The following CDH4 variants were observed in gnomAD, a reference collection of about 807,000 sequenced individuals.
The protein encoded by CDH4 is cadherin-4.
Under a neutral mutation model 86.0 loss-of-function variants are expected in CDH4, and 33 were observed. That is an observed-to-expected ratio of 0.38 (90% confidence interval 0.29 to 0.51). The LOEUF (loss-of-function observed/expected upper bound fraction) is 0.51, where lower values mean the gene tolerates loss of function less well. Ranked by LOEUF, CDH4 falls within the 20% of genes least tolerant of loss-of-function variation. The pLI is 0.86. For missense variants in CDH4, 1,114 were observed against 1,307.4 expected, an observed-to-expected ratio of 0.85 and a Z score of 2.28; for synonymous variants, 555 against 549.4, an observed-to-expected ratio of 1.01 and a Z score of -0.14.
intron 2 of CDH4, among the ~76,000 whole-genome samples, chr20:61,553,571 C>T (rs532798587): frequency 6.6e-5 from 10 of 152,240 alleles, no homozygotes; most frequent in Admixed American, 2.6e-4. Flanking sequence ...CTTGCAGGTC[C>T]GATTGTTGGG....
At chr20:61,486,401 G>T (rs1374853950) in intron 2 of CDH4, among the ~76,000 whole-genome samples, 1 of 152,170 alleles carries the variant, frequency 6.6e-6, no homozygotes, top group Non-Finnish European at 1.5e-5. Flanking sequence ...GTCCCCGTGG[G>T]GCCCTACCCT....
intron 2 of CDH4, chr20:61,435,874 GGCCCATGT>G (rs113283438): frequency 0.14 from 21,822 of 152,280 alleles, 1,796 homozygotes; most frequent in Non-Finnish European, 0.18. Flanking sequence ...GCATCCTGTT[GGCCCATGT>G]GCTGGGGAGG....
intron 8 of CDH4, among the ~76,000 whole-genome samples, chr20:61,898,099 GTCC>G (rs376429228): frequency 6.6e-6 from 1 of 152,322 alleles, no homozygotes; most frequent in African/African-American, 2.4e-5. Context: ...CCCTTGGTGT[GTCC>G]TCCTAGAGAT....
At chr20:61,765,566 G>T (rs553594313) in intron 3 of CDH4, among the ~76,000 whole-genome samples, 25 of 152,216 alleles carry the variant, frequency 1.6e-4, no homozygotes, top group Non-Finnish European at 3.1e-4. Flanking sequence ...CGTAAGGAGA[G>T]CAGGGAAGAG....
intron 2 of CDH4, among the ~76,000 whole-genome samples, chr20:61,398,981 TA>T (rs1318886637): frequency 6.6e-6 from 1 of 152,210 alleles, no homozygotes; most frequent in Non-Finnish European, 1.5e-5. Flanking sequence ...TGATGTAGGT[TA>T]AATGCTGATG....
rs1031115512 is a variant in CDH4, at chr20:61,255,778, C to T, written c.169+841C>T. 5.3e-5 allele frequency among the ~76,000 whole-genome samples: 8 copies of T among 152,246 alleles called. No individual in the cohort carries two copies. In the East Asian group the frequency reaches 9.7e-4, roughly 18 times the overall value. ...AAACTTTTCCCTCCAGAACTGACAG[C>T]GGTTCCTGTGTATGTGTGTGTGTGC... On this transcript the variant is annotated intron_variant, in intron 2 of 15. Transcript: ENST00000614565.
At chr20:61,611,866 C>T (rs2086688014) in intron 2 of CDH4, among the ~76,000 whole-genome samples, 1 of 152,096 alleles carries the variant, frequency 6.6e-6, no homozygotes, top group African/African-American at 2.4e-5. Flanking sequence ...CGAACTCCTG[C>T]CTGAATCTGG....
At chr20:61,841,422 C>A (rs1444363423) in intron 4 of CDH4, among the ~76,000 whole-genome samples, 1 of 152,166 alleles carries the variant, frequency 6.6e-6, no homozygotes, top group Non-Finnish European at 1.5e-5. Context: ...TTGCCCCATA[C>A]CCCCTCGTGA....
At chr20:61,756,470 C>G (rs1001892266) in intron 3 of CDH4, among the ~76,000 whole-genome samples, 1 of 151,982 alleles carries the variant, frequency 6.6e-6, no homozygotes, top group East Asian at 1.9e-4. Flanking sequence ...AGGCCTGTCC[C>G]CCACTACTCA....
intron 2 of CDH4, among the ~76,000 whole-genome samples, chr20:61,729,846 T>G (rs1267946324): frequency 6.6e-6 from 1 of 152,202 alleles, no homozygotes; most frequent in African/African-American, 2.4e-5. Flanking sequence ...AGACGCAAGT[T>G]TAATATTTCC....
intron 4 of CDH4, among the ~76,000 whole-genome samples, chr20:61,781,307 G>T (rs889890871): frequency 1.3e-5 from 2 of 151,924 alleles, no homozygotes; most frequent in African/African-American, 4.8e-5. Context: ...AGGAACCCAG[G>T]AACCCTGAGA....
chr20:61,897,155 G>A (rs568827445), intron 8 of CDH4, among the ~76,000 whole-genome samples: 6 of 152,278 alleles, frequency 3.9e-5, no homozygotes, highest in African/African-American at 7.2e-5. Flanking sequence ...CCCCATGAAC[G>A]AAAGGTGGGG....
chr20:61,760,379 C>CGGGGAGA (rs1309418353), intron 3 of CDH4, among the ~76,000 whole-genome samples: 2 of 152,232 alleles, frequency 1.3e-5, no homozygotes, highest in Admixed American at 1.3e-4. Context: ...CACAGGTGCG[C>CGGGGAGA]GGGGAGAGGG....
At chr20:61,800,958 G>A (rs995648089) in intron 4 of CDH4, among the ~76,000 whole-genome samples, 1 of 152,224 alleles carries the variant, frequency 6.6e-6, no homozygotes, top group Non-Finnish European at 1.5e-5. Context: ...CATGGCTGCA[G>A]GGCCCTCCTG....
At chr20:61,760,198 TCATC>T (rs1440187413) in intron 3 of CDH4, among the ~76,000 whole-genome samples, 1 of 152,200 alleles carries the variant, frequency 6.6e-6, no homozygotes, top group African/African-American at 2.4e-5. Context: ...TTTGAGATCT[TCATC>T]CAGAGAAACG....
chr20:61,685,332 T>G (rs2087562199), intron 2 of CDH4, among the ~76,000 whole-genome samples: 1 of 152,238 alleles, frequency 6.6e-6, no homozygotes, highest in African/African-American at 2.4e-5. Context: ...TCAAAGCAAC[T>G]TGGTCTCTCC....
chr20:61,688,393 T>C (rs1290154635), intron 2 of CDH4, among the ~76,000 whole-genome samples: 3 of 152,164 alleles, frequency 2.0e-5, no homozygotes, highest in Middle Eastern at 6.8e-3. Flanking sequence ...AACTTCCTTC[T>C]GAATGATGGT....
At chr20:61,548,569 T>A (rs971571441) in intron 2 of CDH4, among the ~76,000 whole-genome samples, 8 of 152,296 alleles carry the variant, frequency 5.3e-5, no homozygotes, top group African/African-American at 1.9e-4. Flanking sequence ...TTGTTGCATT[T>A]TAGTGGCTTA....
At position 61,708,293 on chromosome 20, in the gene CDH4, G is replaced by A. The variant is rs1213216599; in HGVS notation, c.170-35270G>A. The stretch of plus-strand genomic sequence containing the variant: ...CCGAACCAGATGTACCAAGCACCCC[G>A]CTGACTCAGACTCCCCGCCCCCCGC... On this transcript the variant is annotated intron_variant, in intron 2 of 15. Coordinates refer to ENST00000614565, the MANE Select transcript of CDH4 (RefSeq NM_001794.5). The surrounding 1 kb of genome is among the most constrained non-coding windows in gnomAD (Gnocchi z 4.5). 2.0e-5 allele frequency among the ~76,000 whole-genome samples: 3 copies of A among 151,926 alleles called. No homozygotes were observed. The highest frequency in any genetic ancestry group is 2.9e-5 in the Non-Finnish European group (2 of 67,954).
Sources: allele counts gnomAD v4.1 joint callset (sites outside exome capture counted in the v4.1 genomes callset), GRCh38; gene constraint gnomAD v4.1.1; non-coding constraint Gnocchi (gnomAD v3.1); transcripts MANE v1.5; gene names NCBI Gene and HGNC (gene_info 2026-07-23, HGNC 2026-07-21).